GBE1: variants seen among roughly 807,000 people sequenced by gnomAD.
GBE1 encodes 1,4-alpha-glucan branching enzyme 1.
GBE1 carries 70 observed loss-of-function variants against 88.8 expected under a neutral mutation model. That is an observed-to-expected ratio of 0.79 (90% CI 0.65 to 0.96). The LOEUF (loss-of-function observed/expected upper bound fraction) is 0.96. Ranked by LOEUF, GBE1 falls within the 40% of genes least tolerant of loss-of-function variation. The pLI, the probability that GBE1 is intolerant of heterozygous loss-of-function variation, is 0.00. For missense variants in GBE1, 872 were observed against 871.0 expected (o/e 1.00, Z -0.01); for synonymous variants, 284 against 300.1 (o/e 0.95, Z 0.56).
chr3:81,519,398 T>TA (rs1420014983), intron 14 of GBE1, among the ~76,000 whole-genome samples: 4 of 151,498 alleles, frequency 2.6e-5, no homozygotes, highest in African/African-American at 9.7e-5. Context: ...ACACTCCTCT[T>TA]AACGTCACAA....
chr3:81,558,061 G>A (rs189634749), intron 12 of GBE1, among the ~76,000 whole-genome samples: 155 of 152,072 alleles, frequency 1.0e-3, no homozygotes, highest in Admixed American at 1.7e-3. Context: ...ATCAGCACAC[G>A]TAACTATATA....
intron 2 of GBE1, 130 bp downstream of exon 2, chr3:81,705,314 T>C: frequency 1.5e-6 from 1 of 668,270 alleles, no homozygotes; most frequent in Non-Finnish European, 2.4e-6. Context: ...TCTAAGGCTC[T>C]ATCTGAAAAG....
chr3:81,673,721 G>A (rs1576194660), intron 2 of GBE1, among the ~76,000 whole-genome samples: 1 of 151,912 alleles, frequency 6.6e-6, no homozygotes, highest in East Asian at 1.9e-4. Flanking sequence ...TTTTATAATA[G>A]TTTAATTATA....
intron 12 of GBE1, among the ~76,000 whole-genome samples, chr3:81,573,867 C>G (rs541950272): frequency 6.6e-6 from 1 of 151,796 alleles, no homozygotes; most frequent in Non-Finnish European, 1.5e-5. Flanking sequence ...TGCATATATA[C>G]ACACATAATT....
Position 81,535,327 on chromosome 3 carries a change from T to A in GBE1, c.1804-2A>T, listed in dbSNP as rs1224090803. 2.5e-6 allele frequency: 4 copies of A among 1,598,182 alleles called. No individual in the cohort carries two copies. Among genetic ancestry groups the A allele is most frequent in the Non-Finnish European group, 3.4e-6 (4 of 1,174,670 alleles). On this transcript the variant is annotated splice_acceptor_variant, in intron 13 of 15. Coordinates refer to ENST00000429644, the MANE Select transcript of GBE1 (RefSeq NM_000158.4). LOFTEE classifies it high-confidence loss of function. ...TTCATGTTTTTCACTCACGTAGGCC[T>A]GCAAGAATTAGCACACATGTTACAT...
At chr3:81,702,396 G>A (rs1032671444) in intron 2 of GBE1, among the ~76,000 whole-genome samples, 2 of 151,868 alleles carry the variant, frequency 1.3e-5, no homozygotes, top group African/African-American at 4.8e-5. Flanking sequence ...TTCACAAAGA[G>A]ACTTTGAGAT....
intron 10 of GBE1, among the ~76,000 whole-genome samples, chr3:81,584,082 T>C (rs1382235645): frequency 2.0e-5 from 3 of 152,062 alleles, no homozygotes; most frequent in African/African-American, 7.2e-5. Context: ...ATTAGACACA[T>C]ACATTACCTT....
intron 7 of GBE1, among the ~76,000 whole-genome samples, chr3:81,619,199 G>T (rs918872099): frequency 5.3e-5 from 8 of 151,800 alleles, no homozygotes; most frequent in African/African-American, 1.7e-4. Flanking sequence ...CAGCACCATG[G>T]CTAAACTATG....
chr3:81,632,735 T>C (rs1478754294), intron 7 of GBE1, among the ~76,000 whole-genome samples: 6 of 152,192 alleles, frequency 3.9e-5, no homozygotes, highest in Admixed American at 3.3e-4. Context: ...ATTTTACTTT[T>C]TCCTGGCATC....
chr3:81,681,775 T>C (rs897184400), intron 2 of GBE1, among the ~76,000 whole-genome samples: 4 of 152,126 alleles, frequency 2.6e-5, no homozygotes, highest in African/African-American at 9.7e-5. Context: ...AAAAAAAGAA[T>C]AAATTTGGAT....
At chr3:81,731,514 T>C (rs1706184995) in intron 1 of GBE1, among the ~76,000 whole-genome samples, 1 of 152,128 alleles carries the variant, frequency 6.6e-6, no homozygotes, top group Non-Finnish European at 1.5e-5. Flanking sequence ...TTGATTGTCA[T>C]TTGCCTCCTG....
rs770974468 is a variant in GBE1, at chr3:81,750,551, G to GTATATA, written c.143+10818_143+10823dup. Among the ~76,000 whole-genome samples, 7 of 52,348 alleles carry GTATATA rather than the reference G, an allele frequency of 1.3e-4. 2 individuals carry two copies. Among genetic ancestry groups the GTATATA allele is most frequent in the Non-Finnish European group, 2.2e-4 (7 of 31,682 alleles). 34.3% of individuals were successfully genotyped at this position (52,348 alleles called of 152,430 possible). A position where few individuals can be genotyped will look rare whatever the true frequency, so the allele number is the denominator to read the frequency against. On this transcript the variant is annotated intron_variant, in intron 1 of 15. Transcript: ENST00000429644. ...TATATATATATACGTATATATATAT[G>GTATATA]TATATATATATGTATATATATATAC...
At chr3:81,750,916 G>C (rs563602158) in intron 1 of GBE1, among the ~76,000 whole-genome samples, 241 of 151,294 alleles carry the variant, frequency 1.6e-3, no homozygotes, top group African/African-American at 5.6e-3. Flanking sequence ...CTGACCTCGT[G>C]ATCTGCCCAC....
intron 3 of GBE1, among the ~76,000 whole-genome samples, chr3:81,650,838 G>C (rs1046184127): frequency 6.6e-6 from 1 of 151,552 alleles, no homozygotes; most frequent in East Asian, 1.9e-4. Flanking sequence ...CTAATTTTGG[G>C]GGGGTCTGGG....
At position 81,535,289 on chromosome 3, in the gene GBE1, T is replaced by A; in HGVS notation, c.1840A>T (p.Ile614Phe). Residue 614 changes from isoleucine (I) to phenylalanine (F), a missense_variant, in exon 14 of 16, where the codon ATT (isoleucine) becomes TTT (phenylalanine). Ile to Phe is a conservative substitution (Grantham distance 21, BLOSUM62 0). Coordinates refer to ENST00000429644, the MANE Select transcript of GBE1 (RefSeq NM_000158.4). ...VSEKHEGNKI[I>F]AFERAGLLFI... Reference sequence around the variant, plus strand: ...AGAAGACCTGCTCTTTCAAAAGCAATGATCTTATTGCCTTCATGTTTTTCA... The same window carrying A: ...AGAAGACCTGCTCTTTCAAAAGCAAAGATCTTATTGCCTTCATGTTTTTCA... The A allele has an allele frequency of 6.2e-7, 1 of 1,611,134 alleles. No individual in the cohort carries two copies. Among genetic ancestry groups the A allele is most frequent in the Non-Finnish European group, 8.5e-7 (1 of 1,178,512 alleles).
intron 1 of GBE1, among the ~76,000 whole-genome samples, chr3:81,752,260 TATC>T (rs1384927522): frequency 4.6e-5 from 7 of 152,220 alleles, no homozygotes; most frequent in African/African-American, 7.2e-5. Flanking sequence ...AATATGCACA[TATC>T]ATATGTTCAG....
At chr3:81,751,637 A>C (rs1416573225) in intron 1 of GBE1, among the ~76,000 whole-genome samples, 1 of 152,258 alleles carries the variant, frequency 6.6e-6, no homozygotes, top group Non-Finnish European at 1.5e-5. Context: ...TGCTAAGGAT[A>C]ATATAGCAGA....
chr3:81,676,648 C>A (rs1221962013), intron 2 of GBE1, among the ~76,000 whole-genome samples: 1 of 151,540 alleles, frequency 6.6e-6, no homozygotes, highest in Non-Finnish European at 1.5e-5. Context: ...TCTTTATTTT[C>A]TTTTTTATTT....
rs1225909931 is a variant in GBE1 at position 81,733,075 on chromosome 3, G to C, written c.144-27462C>G. Among the ~76,000 whole-genome samples the C allele has an allele frequency of 6.6e-6, 1 of 152,092 alleles. No homozygotes were observed. The highest frequency in any genetic ancestry group is 1.5e-5 in the Non-Finnish European group (1 of 68,018). Reference sequence around the variant, plus strand: ...GAATGGCAAAAATAAACACAAAGAAGCTTCATCTGTATTTATAGCCACTCC... The same window carrying C: ...GAATGGCAAAAATAAACACAAAGAACCTTCATCTGTATTTATAGCCACTCC... On this transcript the variant is annotated intron_variant, in intron 1 of 15. Transcript: ENST00000429644. The surrounding 1 kb of genome is among the most constrained non-coding windows in gnomAD (Gnocchi z 4.0).
Sources: allele counts gnomAD v4.1 joint callset (sites outside exome capture counted in the v4.1 genomes callset), GRCh38; gene constraint gnomAD v4.1.1; non-coding constraint Gnocchi (gnomAD v3.1); transcripts MANE v1.5; gene names NCBI Gene and HGNC (gene_info 2026-07-23, HGNC 2026-07-21).